SYBU: variants seen among roughly 807,000 people sequenced by gnomAD.
SYBU encodes the protein GOLSYN A protein.
Under a neutral mutation model 35.9 loss-of-function variants are expected in SYBU, and 21 were observed. The observed-to-expected ratio is 0.58, with a 90% CI of 0.41 to 0.84. SYBU has a LOEUF of 0.84. SYBU is among the 40% of genes least tolerant of loss of function. SYBU has a pLI of 0.00. For missense variants in SYBU, 768 were observed against 848.2 expected, an observed-to-expected ratio of 0.91 and a Z score of 1.17; for synonymous variants, 319 against 324.3, an observed-to-expected ratio of 0.98 and a Z score of 0.18.
intron 1 of SYBU, among the ~76,000 whole-genome samples, chr8:109,668,248 G>A (rs1816839881): frequency 6.7e-6 from 1 of 150,254 alleles, no homozygotes; most frequent in Non-Finnish European, 1.5e-5. Context: ...GAGATTTAAA[G>A]TGAAATGCGA....
In SYBU at chr8:109,691,558, C is replaced by T; in HGVS notation, c.-283G>A. Reference sequence around the variant, plus strand: ...CCTTGCGCTCCGGTGCCCTCGGCCCCTCGGCCTCTGCAGCCAGCCGGGCGG... The same window carrying T: ...CCTTGCGCTCCGGTGCCCTCGGCCCTTCGGCCTCTGCAGCCAGCCGGGCGG... On this transcript the variant is annotated 5_prime_UTR_variant, in exon 1 of 8. Transcript: ENST00000422135. This position sits in a 1 kb window ranked among gnomAD's most constrained non-coding sequence, Gnocchi z 4.7. The T allele has an allele frequency of 4.5e-6, 2 of 449,038 alleles. No individual in the cohort carries two copies. The highest frequency in any genetic ancestry group is 7.8e-6 in the Non-Finnish European group (2 of 257,200). The allele number at this position is 449,038 out of a possible 1,614,324, so 27.8% of individuals were successfully genotyped here. A position where few individuals can be genotyped will look rare whatever the true frequency, so the allele number is the denominator to read the frequency against.
intron 1 of SYBU, among the ~76,000 whole-genome samples, chr8:109,678,434 C>CTTTTTTTT (rs10717299): frequency 1.7e-5 from 1 of 58,392 alleles, no homozygotes; most frequent in African/African-American, 6.2e-5. Flanking sequence ...TTCAAATAAC[C>CTTTTTTTT]TTTTTTTTTT....
At position 109,574,746 on chromosome 8, in the gene SYBU, G is replaced by A. The variant is rs1822011763; in HGVS notation, c.*160C>T. On this transcript the variant is annotated 3_prime_UTR_variant, in exon 7 of 7. Transcript: ENST00000276646. ...TCTCCATGCCTTTGAAGATACCTCC[G>A]GTTTTAAACAGTGAACAGGCTTCAA... 4.3e-6 allele frequency: 3 copies of A among 702,334 alleles called. No individual in the cohort carries two copies. The highest frequency in any genetic ancestry group is 4.0e-5 in the South Asian group (1 of 25,110). 43.5% of individuals were successfully genotyped at this position (702,334 alleles called of 1,614,324 possible).
chr8:109,691,225 G>A lies in SYBU; in HGVS notation c.-58+108C>T. ...CTCCCGCATTGGAAAGGGTGGTCCT[G>A]GGGTCCGGAGCGCCCCATCACTGCC... On this transcript the variant is annotated intron_variant, in intron 1 of 7. Transcript: ENST00000422135. The surrounding 1 kb of genome is among the most constrained non-coding windows in gnomAD (Gnocchi z 4.7). The A allele has an allele frequency of 7.5e-6, 5 of 667,892 alleles. No individual in the cohort carries two copies. The highest frequency in any genetic ancestry group is 1.4e-5 in the Non-Finnish European group (5 of 367,924). 41.4% of individuals were successfully genotyped at this position (667,892 alleles called of 1,614,324 possible).
intron 1 of SYBU, chr8:109,644,029 A>C: frequency 2.2e-6 from 1 of 452,776 alleles, no homozygotes; most frequent in South Asian, 1.6e-5. Flanking sequence ...AACATGACCT[A>C]CTGTTCCTTC....
chr8:109,582,173 C>G (rs1301623164), intron 4 of SYBU, among the ~76,000 whole-genome samples: 2 of 152,240 alleles, frequency 1.3e-5, no homozygotes, highest in Non-Finnish European at 2.9e-5. Context: ...TACGAGTTAA[C>G]TTCCACTGAG....
rs752776293 is a variant in SYBU, at chr8:109,586,090, G to T, written c.500C>A (p.Ala167Glu). 8 of 1,611,626 alleles carry T rather than the reference G, an allele frequency of 5.0e-6. No individual in the cohort carries two copies. In the South Asian group the frequency reaches 6.7e-5, roughly 13 times the overall value. ...ISAPEVHMST[A>E]GSKRSSSSRN... ...TGAAGAAGAAGACCGCTTGCTTCCC[G>T]CAGTCGACATATGGACCTCAGGAGC... The change falls in exon 4 of 7, where the codon GCG (alanine) becomes GAG (glutamate). Residue 167 changes from alanine (A) to glutamate (E), a missense_variant. Coordinates refer to ENST00000276646, the MANE Select transcript of SYBU (RefSeq NM_001099754.2).
rs79274410 is a variant in SYBU at position 109,690,905 on chromosome 8, C to T, written c.-58+428G>A. ...TGGGACTGTCTCCCTCTTTGGAGAG[C>T]TCAATGGAGGCTTCCTGGAGAACAC... On this transcript the variant is annotated intron_variant, in intron 1 of 7. Transcript: ENST00000422135. Among the ~76,000 whole-genome samples the T allele has an allele frequency of 2.2e-3, 336 of 152,278 alleles. 7 individuals are homozygous for T. In the East Asian group the frequency reaches 0.057, roughly 26 times the overall value.
chr8:109,581,905 A>AG (rs1823074122), intron 4 of SYBU, among the ~76,000 whole-genome samples: 2 of 152,364 alleles, frequency 1.3e-5, no homozygotes, highest in Admixed American at 1.3e-4. Context: ...TCGTGAGAAG[A>AG]GGACACTTTA....
chr8:109,689,315 A>T (rs1175063952), intron 1 of SYBU, among the ~76,000 whole-genome samples: 2 of 152,114 alleles, frequency 1.3e-5, no homozygotes, highest in East Asian at 1.9e-4. Flanking sequence ...ATGATTTTTT[A>T]AAATTTTCTT....
At chr8:109,585,938 A>G (rs954931893) in intron 4 of SYBU, 122 bp downstream of exon 4, 1 of 701,586 alleles carries the variant, frequency 1.4e-6, no homozygotes, top group Non-Finnish European at 2.4e-6. Context: ...AAACAAAACA[A>G]AAAGCCTCAC....
chr8:109,584,693 A>G lies in SYBU; in HGVS notation c.530+1367T>C, dbSNP rs1348329171. On this transcript the variant is annotated intron_variant, in intron 4 of 6. Transcript: ENST00000276646. This position sits in a 1 kb window ranked among gnomAD's most constrained non-coding sequence, Gnocchi z 4.0. Reference sequence around the variant, plus strand: ...TTGTCTGGCTTCAGCTGTATTTTTAATGATAAAACTGTGCCCTGGGGGTCT... The same window carrying G: ...TTGTCTGGCTTCAGCTGTATTTTTAGTGATAAAACTGTGCCCTGGGGGTCT... Among the ~76,000 whole-genome samples, 1 of 152,082 alleles carries G rather than the reference A, an allele frequency of 6.6e-6. No homozygotes were observed. The highest frequency in any genetic ancestry group is 1.5e-5 in the Non-Finnish European group (1 of 68,014).
In SYBU at chr8:109,668,165, GGAGAGA is replaced by G. The variant is rs60330422; in HGVS notation, c.-129+12540_-129+12545del. On this transcript the variant is annotated intron_variant, in intron 1 of 5. Coordinates refer to the SYBU transcript ENST00000408889. ...GAAGAAGAGGCAGAGGGGGAGAGGGGGAGAGAGAGAGAGAGAGAGAGAGAGAGAGAG... is the reference window on the plus strand; with the variant it reads ...GAAGAAGAGGCAGAGGGGGAGAGGGGGAGAGAGAGAGAGAGAGAGAGAGAG... Among the ~76,000 whole-genome samples the G allele has an allele frequency of 7.6e-3, 674 of 89,024 alleles. 6 individuals carry two copies. The highest frequency in any genetic ancestry group is 0.01 in the Non-Finnish European group (502 of 49,654). 58.4% of individuals were successfully genotyped at this position (89,024 alleles called of 152,430 possible). A position where few individuals can be genotyped will look rare whatever the true frequency, so the allele number is the denominator to read the frequency against.
At chr8:109,633,983 C>T (rs1195449824) in intron 2 of SYBU, among the ~76,000 whole-genome samples, 3 of 152,146 alleles carry the variant, frequency 2.0e-5, no homozygotes, top group African/African-American at 7.2e-5. Context: ...ACCTGCCAGC[C>T]TCGGCTTCCC....
chr8:109,641,489 A>G (rs1586917988), intron 2 of SYBU, among the ~76,000 whole-genome samples: 1 of 152,254 alleles, frequency 6.6e-6, no homozygotes, highest in East Asian at 1.9e-4. Context: ...AGGTTAAGCA[A>G]CTTGCTGAAG....
At chr8:109,631,974 G>A (rs1176514495) in intron 2 of SYBU, among the ~76,000 whole-genome samples, 2 of 152,128 alleles carry the variant, frequency 1.3e-5, no homozygotes, top group East Asian at 1.9e-4. Context: ...TAAAGGAAAG[G>A]GAGAAGAAAG....
intron 2 of SYBU, among the ~76,000 whole-genome samples, chr8:109,642,236 A>G (rs1047738016): frequency 3.3e-5 from 5 of 152,176 alleles, no homozygotes; most frequent in African/African-American, 1.2e-4. Context: ...GTTCTCACTC[A>G]TAAGTGGAAG....
rs1429424088 is a variant in SYBU, at chr8:109,584,251, T to A, written c.530+1809A>T. ...ATACTAACAGAAGCATTCATCTGAT[T>A]TGCATATAATTATATTTGGCTATTT... On this transcript the variant is annotated intron_variant, in intron 4 of 6. Transcript: ENST00000276646. The surrounding 1 kb of genome is among the most constrained non-coding windows in gnomAD (Gnocchi z 4.0). Among the ~76,000 whole-genome samples the A allele has an allele frequency of 6.6e-6, 1 of 152,210 alleles. No homozygotes were observed. The highest frequency in any genetic ancestry group is 2.4e-5 in the African/African-American group (1 of 41,456).
intron 3 of SYBU, among the ~76,000 whole-genome samples, chr8:109,608,414 C>G (rs985555152): frequency 1.3e-5 from 2 of 152,120 alleles, no homozygotes; most frequent in Non-Finnish European, 2.9e-5. Context: ...TTATGGCAAA[C>G]ACCAAGCACT....
Sources: gnomAD v4.1 joint callset for allele counts (sites outside exome capture counted in the v4.1 genomes callset) on GRCh38, gnomAD v4.1.1 for gene constraint, Gnocchi (gnomAD v3.1) non-coding constraint, MANE v1.5 for transcripts, NCBI Gene and HGNC (gene_info 2026-07-23, HGNC 2026-07-21) for gene names.